PCDHA11: variants seen among roughly 807,000 people sequenced by gnomAD.
The protein encoded by PCDHA11 is protocadherin alpha 11.
Under a neutral mutation model 70.3 loss-of-function variants are expected in PCDHA11, and 61 were observed. The ratio of observed to expected loss-of-function variants is 0.87; its 90% CI spans 0.71 to 1.07. The LOEUF (loss-of-function observed/expected upper bound fraction) is 1.07. Ranked by LOEUF, PCDHA11 falls within the 50% of genes least tolerant of loss-of-function variation. The pLI, the probability that PCDHA11 is intolerant of heterozygous loss-of-function variation, is 0.00. For missense variants in PCDHA11, 1,324 were observed against 1,237.5 expected, an observed-to-expected ratio of 1.07 and a Z score of -1.05; for synonymous variants, 633 against 555.1, an observed-to-expected ratio of 1.14 and a Z score of -1.97.
intron 3 of PCDHA11, among the ~76,000 whole-genome samples, chr5:140,999,039 T>C (rs1554256567): frequency 6.6e-6 from 1 of 152,214 alleles, no homozygotes; most frequent in Admixed American, 6.5e-5. Flanking sequence ...CTTCGTCCAG[T>C]GTGCTTTCCA....
chr5:140,993,906 C>T (rs1245923228), intron 3 of PCDHA11, among the ~76,000 whole-genome samples: 1 of 152,088 alleles, frequency 6.6e-6, no homozygotes, highest in Non-Finnish European at 1.5e-5. Flanking sequence ...AACAAAAATG[C>T]CTAGTGATGC....
At chr5:141,009,604 A>T (rs782247768) in intron 3 of PCDHA11, 23 bp from the exon 4 acceptor site, 2 of 1,608,944 alleles carry the variant, frequency 1.2e-6, no homozygotes, top group East Asian at 4.5e-5. Context: ...CCTGTTAATG[A>T]TTTGTAATGT....
chr5:140,944,419 T>C (rs2093656334), intron 1 of PCDHA11, among the ~76,000 whole-genome samples: 2 of 152,184 alleles, frequency 1.3e-5, no homozygotes, highest in South Asian at 4.1e-4. Flanking sequence ...ACTCCTGATC[T>C]GAAGTGGTCT....
In PCDHA11 at chr5:141,011,970, C is replaced by T. The variant is rs975637071; in HGVS notation, c.*2033C>T. ...AGCATTAAATTTAAAAAAAAACTGT[C>T]TTGTCTACTTTTAGCTTCATTCTCC... On this transcript the variant is annotated 3_prime_UTR_variant, in exon 4 of 4. Coordinates refer to ENST00000398640, the MANE Select transcript of PCDHA11 (RefSeq NM_018902.5). 6.5e-6 allele frequency: 1 copy of T among 153,576 alleles called. No homozygotes were observed. Among genetic ancestry groups the T allele is most frequent in the African/African-American group, 2.4e-5 (1 of 41,406 alleles). The allele number at this position is 153,576 out of a possible 1,614,324, so 9.5% of individuals were successfully genotyped here.
intron 1 of PCDHA11, among the ~76,000 whole-genome samples, chr5:140,949,776 A>G (rs1554219139): frequency 6.6e-6 from 1 of 151,716 alleles, no homozygotes; most frequent in Non-Finnish European, 1.5e-5. Flanking sequence ...AATATTTGAT[A>G]TGTTTAGATT....
chr5:140,972,270 G>T (rs2096527606), intron 1 of PCDHA11, among the ~76,000 whole-genome samples: 2 of 151,190 alleles, frequency 1.3e-5, no homozygotes, highest in African/African-American at 4.9e-5. Context: ...CTCCTGAGTA[G>T]CTTGGACCAT....
chr5:140,967,088 GAGGCGCTGTGTGAGC>G, intron 1 of PCDHA11: 1 of 1,613,226 alleles, frequency 6.2e-7, no homozygotes, highest in Non-Finnish European at 8.5e-7. Context: ...CATTGATCGG[GAGGCGCTGTGTGAGC>G]AGCGGCCTCG....
intron 1 of PCDHA11, chr5:140,884,056 G>C (rs782776341): frequency 6.2e-7 from 1 of 1,613,476 alleles, no homozygotes; most frequent in African/African-American, 1.3e-5. Context: ...AGGTGCGCGC[G>C]GTGGACGCCG....
At chr5:140,911,744 C>T (rs758009837) in intron 1 of PCDHA11, among the ~76,000 whole-genome samples, 2 of 151,280 alleles carry the variant, frequency 1.3e-5, no homozygotes, top group Non-Finnish European at 2.9e-5. Flanking sequence ...CAAGGACTAT[C>T]AGTGTTCTCC....
intron 3 of PCDHA11, among the ~76,000 whole-genome samples, chr5:140,999,763 T>C (rs1475737646): frequency 2.0e-5 from 3 of 152,200 alleles, no homozygotes; most frequent in African/African-American, 7.2e-5. Flanking sequence ...ACATGATGTC[T>C]TTATACTCTT....
Position 140,973,415 on chromosome 5 carries a change from A to C in PCDHA11, c.2392-5534A>C, listed in dbSNP as rs552618579. On this transcript the variant is annotated intron_variant, in intron 1 of 3. Coordinates refer to ENST00000398640, the MANE Select transcript of PCDHA11 (RefSeq NM_018902.5). ...AATCATATCTATGAGCTTCCACTCC[A>C]GTTTTTCATCCTCTGATGGTCACTT... Among the ~76,000 whole-genome samples the C allele has an allele frequency of 1.8e-3, 272 of 152,344 alleles. 1 individual carries two copies. Among genetic ancestry groups the C allele is most frequent in the Non-Finnish European group, 3.1e-3 (212 of 68,028 alleles).
chr5:140,921,165 A>G (rs959305878), intron 1 of PCDHA11, among the ~76,000 whole-genome samples: 1 of 151,798 alleles, frequency 6.6e-6, no homozygotes, highest in Admixed American at 6.6e-5. Context: ...TTTTTTTAAC[A>G]CACATAAAGC....
chr5:140,883,777 G>T, intron 1 of PCDHA11: 3 of 1,612,364 alleles, frequency 1.9e-6, no homozygotes, highest in Non-Finnish European at 1.7e-6. Flanking sequence ...GCGAGCGTGC[G>T]CTGTCGAGCT....
intron 1 of PCDHA11, among the ~76,000 whole-genome samples, chr5:140,950,672 C>A (rs76583571): frequency 0.016 from 2,473 of 152,120 alleles, 63 homozygotes; most frequent in African/African-American, 0.055. Context: ...CAAACATGTA[C>A]ATGTATATTG....
At chr5:140,884,204 C>T in intron 1 of PCDHA11, 1 of 1,613,500 alleles carries the variant, frequency 6.2e-7, no homozygotes, top group Non-Finnish European at 8.5e-7. Flanking sequence ...GCCGCACCAC[C>T]GCCTTCTGGT....
intron 1 of PCDHA11, chr5:140,877,890 T>C (rs1554170211): frequency 6.9e-7 from 1 of 1,458,078 alleles, no homozygotes; most frequent in Non-Finnish European, 9.0e-7. Flanking sequence ...AGAACTTCCG[T>C]TTAGGTTATA....
intron 1 of PCDHA11, chr5:140,969,442 T>G (rs1554231813): frequency 1.6e-5 from 25 of 1,543,830 alleles, no homozygotes; most frequent in Non-Finnish European, 2.2e-5. Flanking sequence ...AGTTATCTGG[T>G]AAACTGAGTA....
At chr5:140,872,232 G>A (rs2053558420) in intron 1 of PCDHA11, among the ~76,000 whole-genome samples, 1 of 149,716 alleles carries the variant, frequency 6.7e-6, no homozygotes, top group South Asian at 2.1e-4. Flanking sequence ...CTTTACTTTT[G>A]TCTTTATTCC....
intron 1 of PCDHA11, chr5:140,875,821 T>C: frequency 6.2e-7 from 1 of 1,614,192 alleles, no homozygotes; most frequent in Non-Finnish European, 8.5e-7. Context: ...GCTGCAGGTT[T>C]TCCATGTGGA....
Sources: allele counts gnomAD v4.1 joint callset (sites outside exome capture counted in the v4.1 genomes callset), GRCh38; gene constraint gnomAD v4.1.1; transcripts MANE v1.5; gene names NCBI Gene and HGNC (gene_info 2026-07-23, HGNC 2026-07-21).